The following FBXO2 variants were observed in gnomAD, a reference collection of about 807,000 sequenced individuals.
The protein encoded by FBXO2 is F-box only protein 2.
A neutral mutation model predicts 38.6 loss-of-function variants in FBXO2; 32 were observed. The observed-to-expected ratio is 0.83, with a 90% CI of 0.62 to 1.11. The LOEUF is 1.11. FBXO2 is among the 50% of genes most tolerant of loss of function. The probability of loss-of-function intolerance (pLI) is 0.00; values close to 1 mark genes in which losing one functional copy is unlikely to be tolerated. For synonymous variants in FBXO2, 189 were observed against 182.9 expected, an observed-to-expected ratio of 1.03 and a Z score of -0.27; for missense variants, 450 against 418.3, an observed-to-expected ratio of 1.08 and a Z score of -0.66.
chr1:11,652,581 G>C (rs1639543160), intron 1 of FBXO2, among the ~76,000 whole-genome samples: 1 of 152,222 alleles, frequency 6.6e-6, no homozygotes. Flanking sequence ...TCACAGCCTT[G>C]AGTAAGTGGA....
chr1:11,649,772 C>G lies in FBXO2; in HGVS notation c.617+7G>C. 1 of 1,613,778 alleles carries G rather than the reference C, an allele frequency of 6.2e-7. No individual in the cohort carries two copies. Among genetic ancestry groups the G allele is most frequent in the Non-Finnish European group, 8.5e-7 (1 of 1,179,934 alleles). On this transcript the variant is annotated splice_region_variant and intron_variant, in intron 4 of 5. Coordinates refer to ENST00000354287, the MANE Select transcript of FBXO2 (RefSeq NM_012168.6). ...CCCAGCCCCATGCCACCCCAGGACC[C>G]TCTCACCAGTCCTTCACCACGATGG...
Position 11,648,627 on chromosome 1 carries a change from G to A in FBXO2, c.*67C>T, listed in dbSNP as rs1639455349. ...GGAAGGTGAGGACGCTATGGACTAA[G>A]TTAAGGCCTATCTACCCTCGACCTT... On this transcript the variant is annotated 3_prime_UTR_variant, in exon 6 of 6. Coordinates refer to ENST00000354287, the MANE Select transcript of FBXO2 (RefSeq NM_012168.6). The surrounding 1 kb of genome is among the most constrained non-coding windows in gnomAD (Gnocchi z 4.2). The A allele has an allele frequency of 6.3e-7, 1 of 1,588,360 alleles. No homozygotes were observed. Among genetic ancestry groups the A allele is most frequent in the Non-Finnish European group, 8.6e-7 (1 of 1,162,336 alleles).
At position 11,648,699 on chromosome 1, in the gene FBXO2, G is replaced by A. The variant is rs1411439478; in HGVS notation, c.886C>T (p.Pro296Ser). The A allele has an allele frequency of 6.2e-7, 1 of 1,613,226 alleles. No individual in the cohort carries two copies. The highest frequency in any genetic ancestry group is 8.5e-7 in the Non-Finnish European group (1 of 1,180,006). ...RVTNSSVWVE[P>S] ...GAGAGTGGAGGCAGGGTCGCTCAGG[G>A]TTCTACCCACACGCTGCTGTTGGTC... The change falls in exon 6 of 6, where the codon CCC (proline) becomes TCC (serine). Residue 296 changes from proline to serine, a missense_variant. Coordinates refer to ENST00000354287, the MANE Select transcript of FBXO2 (RefSeq NM_012168.6). The surrounding 1 kb of genome is among the most constrained non-coding windows in gnomAD (Gnocchi z 4.2).
intron 1 of FBXO2, chr1:11,654,015 C>T (rs976993216): frequency 7.7e-6 from 3 of 387,510 alleles, no homozygotes; most frequent in South Asian, 5.4e-5. Context: ...GCATCCCAGG[C>T]CCCCGCCAGA....
chr1:11,649,985 G>A lies in FBXO2; in HGVS notation c.481C>T (p.His161Tyr), dbSNP rs1639486312. Residue 161 changes from histidine to tyrosine, a missense_variant, in exon 3 of 6, where the codon CAC becomes TAC. Coordinates refer to ENST00000354287, the MANE Select transcript of FBXO2 (RefSeq NM_012168.6). ...AAGTACTTCTTGACGCTCTCATCGT[G>A]GGTGAACTCCACCCCACTGTCTCCA... ...LPGDSGVEFT[H>Y]DESVKKYFAS... 6.2e-7 allele frequency: 1 copy of A among 1,613,992 alleles called. No individual in the cohort carries two copies. Among genetic ancestry groups the A allele is most frequent in the East Asian group, 2.2e-5 (1 of 44,878 alleles).
At position 11,648,964 on chromosome 1, in the gene FBXO2, T is replaced by C. The variant is rs1639464853; in HGVS notation, c.756+123A>G. The C allele has an allele frequency of 7.9e-7, 1 of 1,273,662 alleles. No individual in the cohort carries two copies. Among genetic ancestry groups the C allele is most frequent in the Non-Finnish European group, 1.1e-6 (1 of 917,672 alleles). The allele number at this position is 1,273,662 out of a possible 1,614,324, so 78.9% of individuals were successfully genotyped here. Reference sequence around the variant, plus strand: ...ATTCAGAACTCTCTCCACCACCCGGTGACTATCTCAGCCCAGCCCAGCCCA... The same window carrying C: ...ATTCAGAACTCTCTCCACCACCCGGCGACTATCTCAGCCCAGCCCAGCCCA... On this transcript the variant is annotated intron_variant, in intron 5 of 5. Transcript: ENST00000354287. This position sits in a 1 kb window ranked among gnomAD's most constrained non-coding sequence, Gnocchi z 4.2.
At position 11,650,698 on chromosome 1, in the gene FBXO2, C is replaced by T. The variant is rs1247195303; in HGVS notation, c.159G>A (p.Pro53=). The part of the protein sequence containing the change: ...AAAYLDELPE[P]LLLRVLAALP... Reference sequence around the variant, plus strand: ...GTGCGGCCAGCACGCGCAGCAGCAGCGGCTCGGGCAGCTCGTCCAGGTACG... The same window carrying T: ...GTGCGGCCAGCACGCGCAGCAGCAGTGGCTCGGGCAGCTCGTCCAGGTACG... Residue 53 remains proline (P), a synonymous_variant, in exon 2 of 6, where the codon CCG becomes CCA. Coordinates refer to ENST00000354287, the MANE Select transcript of FBXO2 (RefSeq NM_012168.6). 2.6e-6 allele frequency: 4 copies of T among 1,530,996 alleles called. No homozygotes were observed. Among genetic ancestry groups the T allele is most frequent in the Admixed American group, 4.0e-5 (2 of 50,436 alleles). The allele number at this position is 1,530,996 out of a possible 1,614,324, so 94.8% of individuals were successfully genotyped here. A position where few individuals can be genotyped will look rare whatever the true frequency, so the allele number is the denominator to read the frequency against.
intron 4 of FBXO2, 52 bp downstream of exon 4, chr1:11,649,727 C>T: frequency 1.3e-6 from 2 of 1,583,480 alleles, no homozygotes; most frequent in Non-Finnish European, 1.7e-6. Context: ...TGGCTCTCCC[C>T]TCTGCCTTAC....
At position 11,654,349 on chromosome 1, in the gene FBXO2, A is replaced by G; in HGVS notation, c.-9T>C. The G allele has an allele frequency of 7.0e-7, 1 of 1,433,356 alleles. No homozygotes were observed. The allele number at this position is 1,433,356 out of a possible 1,614,324, so 88.8% of individuals were successfully genotyped here. ...TCACCGTCTCCGTCCATCGCTGCGG[A>G]GGGCGGTCGCGAGAGGAGGAGCCGG... On this transcript the variant is annotated 5_prime_UTR_variant, in exon 1 of 6. Coordinates refer to ENST00000354287, the MANE Select transcript of FBXO2 (RefSeq NM_012168.6).
In FBXO2 at chr1:11,654,394, G is replaced by C. The variant is rs1639624477; in HGVS notation, c.-54C>G. The C allele has an allele frequency of 7.5e-7, 1 of 1,339,550 alleles. No individual in the cohort carries two copies. The highest frequency in any genetic ancestry group is 9.5e-7 in the Non-Finnish European group (1 of 1,047,936). 83.0% of individuals were successfully genotyped at this position (1,339,550 alleles called of 1,614,324 possible). A position where few individuals can be genotyped will look rare whatever the true frequency, so the allele number is the denominator to read the frequency against. On this transcript the variant is annotated 5_prime_UTR_variant, in exon 1 of 6. Transcript: ENST00000354287. ...AGCCGGAGCGCTGCGGGCTGCGCGA[G>C]TCCCGGGGCGGCGAGTCCCGGCGCT...
rs1553163894 is a variant in FBXO2, at chr1:11,650,722, C to CACG, written c.134_135insCGT (p.Ala45_Tyr46insVal). 1 of 1,524,368 alleles carries CACG rather than the reference C, an allele frequency of 6.6e-7. No homozygotes were observed. The highest frequency in any genetic ancestry group is 2.0e-5 in the Admixed American group (1 of 49,198). The allele number at this position is 1,524,368 out of a possible 1,614,324, so 94.4% of individuals were successfully genotyped here. A position where few individuals can be genotyped will look rare whatever the true frequency, so the allele number is the denominator to read the frequency against. On this transcript the variant is annotated inframe_insertion, in exon 2 of 6. Transcript: ENST00000354287. Reference sequence around the variant, plus strand: ...GCGGCTCGGGCAGCTCGTCCAGGTACGCGGCGGCGGCCGCCGCCTCCTCCT... The same window carrying CACG: ...GCGGCTCGGGCAGCTCGTCCAGGTACACGGCGGCGGCGGCCGCCGCCTCCTCCT...
At position 11,650,764 on chromosome 1, in the gene FBXO2, C is replaced by G. The variant is rs985139461; in HGVS notation, c.93G>C (p.Arg31=). ...CCTCCTCCTCCTGCTGGTCCTCCGG[C>G]CGCTCCTCCTCAGCACTCGCCTCCT... The part of the protein sequence containing the change: ...QPEEASAEEE[R]PEDQQEEEAA... The change falls in exon 2 of 6, where the codon CGG becomes CGC. Residue 31 remains arginine (R), a synonymous_variant. Coordinates refer to ENST00000354287, the MANE Select transcript of FBXO2 (RefSeq NM_012168.6). 3.3e-6 allele frequency: 5 copies of G among 1,532,738 alleles called. No homozygotes were observed. In the African/African-American group the frequency reaches 6.9e-5, roughly 21 times the overall value. 94.9% of individuals were successfully genotyped at this position (1,532,738 alleles called of 1,614,324 possible). A position where few individuals can be genotyped will look rare whatever the true frequency, so the allele number is the denominator to read the frequency against.
chr1:11,648,653 T>C lies in FBXO2; in HGVS notation c.*41A>G. The C allele has an allele frequency of 6.2e-7, 1 of 1,607,310 alleles. No individual in the cohort carries two copies. The highest frequency in any genetic ancestry group is 8.5e-7 in the Non-Finnish European group (1 of 1,175,332). On this transcript the variant is annotated 3_prime_UTR_variant, in exon 6 of 6. Coordinates refer to ENST00000354287, the MANE Select transcript of FBXO2 (RefSeq NM_012168.6). The surrounding 1 kb of genome is among the most constrained non-coding windows in gnomAD (Gnocchi z 4.2). ...TTAAGGCCTATCTACCCTCGACCTT[T>C]GCCCCTCCAGGCAGCTGGGGGAGAG...
chr1:11,648,813 T>C lies in FBXO2; in HGVS notation c.772A>G (p.Thr258Ala). The C allele has an allele frequency of 1.2e-6, 2 of 1,613,524 alleles. No homozygotes were observed. Among genetic ancestry groups the C allele is most frequent in the Non-Finnish European group, 1.7e-6 (2 of 1,179,976 alleles). ...AAGCGGACGCCCGGCCCGTAGTCGG[T>C]GAAGGTGTGGGAGATCTGGGGGTGG... is the stretch of plus-strand genomic sequence containing the variant. Reference protein sequence around the residue: ...GGWMEISHTFTDYGPGVRFVR... With the variant: ...GGWMEISHTFADYGPGVRFVR... The change falls in exon 6 of 6, where the codon ACC (threonine) becomes GCC (alanine). Residue 258 changes from threonine to alanine, a missense_variant. Coordinates refer to ENST00000354287, the MANE Select transcript of FBXO2 (RefSeq NM_012168.6). The surrounding 1 kb of genome is among the most constrained non-coding windows in gnomAD (Gnocchi z 4.2).
chr1:11,649,638 A>G (rs1017481929), intron 4 of FBXO2, 141 bp downstream of exon 4: 1 of 783,004 alleles, frequency 1.3e-6, no homozygotes, highest in Non-Finnish European at 2.0e-6. Context: ...GAAGTTGTCA[A>G]CCTTTGCAGA....
At position 11,649,214 on chromosome 1, in the gene FBXO2, CGGCCCGA is replaced by C. The variant is rs1639472602; in HGVS notation, c.622_628del (p.Ser208AlafsTer78). On this transcript the variant is annotated frameshift_variant, in exon 5 of 6. Transcript: ENST00000354287. LOFTEE classifies it high-confidence loss of function. ...CTCGTAGAGGCAACCAGCGTCGCTG[CGGCCCGA>C]GTACCTGCTCAGAGGGAGGGAGCGA... 7.3e-7 allele frequency: 1 copy of C among 1,362,428 alleles called. No individual in the cohort carries two copies. 84.4% of individuals were successfully genotyped at this position (1,362,428 alleles called of 1,614,324 possible).
chr1:11,650,904 T>C (rs1639510490), intron 1 of FBXO2, 70 bp from the exon 2 acceptor site: 6 of 1,516,720 alleles, frequency 4.0e-6, no homozygotes, highest in East Asian at 2.6e-5. Context: ...AGGACTGCAA[T>C]GTGCCCGTAA....
chr1:11,648,556 G>A lies in FBXO2; in HGVS notation c.*138C>T. 2 of 1,231,042 alleles carry A rather than the reference G, an allele frequency of 1.6e-6. No individual in the cohort carries two copies. Among genetic ancestry groups the A allele is most frequent in the South Asian group, 1.5e-5 (1 of 66,328 alleles). The allele number at this position is 1,231,042 out of a possible 1,614,324, so 76.3% of individuals were successfully genotyped here. A position where few individuals can be genotyped will look rare whatever the true frequency, so the allele number is the denominator to read the frequency against. On this transcript the variant is annotated 3_prime_UTR_variant, in exon 6 of 6. Coordinates refer to ENST00000354287, the MANE Select transcript of FBXO2 (RefSeq NM_012168.6). The surrounding 1 kb of genome is among the most constrained non-coding windows in gnomAD (Gnocchi z 4.2). ...AACAAAACTTCTCTCTCCCTGCTCAGGGGCTGGGATCGGAGCAAGGGATGG... is the reference window on the plus strand; with the variant it reads ...AACAAAACTTCTCTCTCCCTGCTCAAGGGCTGGGATCGGAGCAAGGGATGG...
rs752514688 is a variant in FBXO2 at position 11,649,762 on chromosome 1, C to A, written c.617+17G>T. On this transcript the variant is annotated intron_variant, in intron 4 of 5. Transcript: ENST00000354287. ...CCCCGCTCCTCCCAGCCCCATGCCA[C>A]CCCAGGACCCTCTCACCAGTCCTTC... is the stretch of plus-strand genomic sequence containing the variant. The A allele has an allele frequency of 3.1e-5, 50 of 1,613,274 alleles. No homozygotes were observed. The highest frequency in any genetic ancestry group is 4.2e-5 in the Non-Finnish European group (50 of 1,179,606).
Sources: gnomAD v4.1 joint callset for allele counts (sites outside exome capture counted in the v4.1 genomes callset) on GRCh38, gnomAD v4.1.1 for gene constraint, Gnocchi (gnomAD v3.1) non-coding constraint, MANE v1.5 for transcripts, NCBI Gene and HGNC (gene_info 2026-07-23, HGNC 2026-07-21) for gene names.